The following MCF2L2 variants were observed in gnomAD, a reference collection of about 807,000 sequenced individuals.
MCF2L2 encodes MCF.2 cell line derived transforming sequence-like 2.
In MCF2L2, 102 loss-of-function variants were observed where a neutral mutation model predicts 150.2. The ratio of observed to expected loss-of-function variants is 0.68; its 90% confidence interval spans 0.58 to 0.80. The LOEUF is 0.80. Among genes scored for constraint, MCF2L2 ranks in the 30% least tolerant of loss-of-function variants. MCF2L2 has a pLI of 0.00. For missense variants in MCF2L2, 1,256 were observed against 1,372.8 expected (o/e 0.91, Z 1.34); for synonymous variants, 465 against 491.3 (o/e 0.95, Z 0.71).
At chr3:183,338,744 T>G in intron 5 of MCF2L2, 56 bp downstream of exon 5, 1 of 1,530,924 alleles carries the variant, frequency 6.5e-7, no homozygotes, top group Non-Finnish European at 8.9e-7. Flanking sequence ...CCTGCCCAAA[T>G]GCCATCTTAG....
chr3:183,262,047 A>G (rs1463942409), intron 15 of MCF2L2, among the ~76,000 whole-genome samples: 1 of 148,266 alleles, frequency 6.7e-6, no homozygotes, highest in Non-Finnish European at 1.5e-5. Context: ...AAAGATATAA[A>G]GGAATGAGGA....
intron 3 of MCF2L2, among the ~76,000 whole-genome samples, chr3:183,346,938 C>T (rs1730922932): frequency 6.6e-6 from 1 of 152,172 alleles, no homozygotes; most frequent in South Asian, 2.1e-4. Flanking sequence ...ACATTCCATG[C>T]TCATGGATAG....
At chr3:183,409,101 T>G (rs1055303496) in intron 1 of MCF2L2, among the ~76,000 whole-genome samples, 1 of 152,258 alleles carries the variant, frequency 6.6e-6, no homozygotes, top group South Asian at 2.1e-4. Flanking sequence ...TATTTCTGCA[T>G]GTTTAAAGAC....
rs1328562425 is a variant in MCF2L2 at position 183,178,758 on chromosome 3, A to G, written c.*622T>C. ...AAAATACCTCAGAAAGTAACTTGGA[A>G]CGAACTCTCTCTACAACGAAGCAAT... On this transcript the variant is annotated 3_prime_UTR_variant, in exon 30 of 30. Transcript: ENST00000328913. The G allele has an allele frequency of 2.0e-5, 3 of 152,380 alleles. No individual in the cohort carries two copies. The highest frequency in any genetic ancestry group is 6.5e-5 in the Admixed American group (1 of 15,310). 9.4% of individuals were successfully genotyped at this position (152,380 alleles called of 1,614,324 possible).
intron 28 of MCF2L2, 64 bp downstream of exon 28, chr3:183,180,007 G>T: frequency 1.6e-6 from 2 of 1,260,258 alleles, no homozygotes; most frequent in Non-Finnish European, 2.3e-6. Flanking sequence ...GGGACAGGAG[G>T]CAGGAGGAGC....
At chr3:183,359,329 A>G (rs1025536512) in intron 3 of MCF2L2, among the ~76,000 whole-genome samples, 3 of 152,242 alleles carry the variant, frequency 2.0e-5, no homozygotes, top group African/African-American at 7.2e-5. Flanking sequence ...CTATACTAAC[A>G]AAAGGTCATG....
chr3:183,323,118 C>T (rs181443624), intron 6 of MCF2L2, 117 bp downstream of exon 6: 3 of 648,022 alleles, frequency 4.6e-6, no homozygotes, highest in African/African-American at 1.8e-5. Context: ...AAATCCCAAC[C>T]ACCCCAAGGT....
intron 3 of MCF2L2, among the ~76,000 whole-genome samples, chr3:183,353,518 G>C (rs555706142): frequency 6.6e-6 from 1 of 152,170 alleles, no homozygotes; most frequent in Non-Finnish European, 1.5e-5. Context: ...AAGCATGGCT[G>C]GGGAGGCTTC....
chr3:183,224,257 A>G lies in MCF2L2; in HGVS notation c.2116-67T>C, dbSNP rs1455129919. The G allele has an allele frequency of 1.4e-5, 14 of 1,007,264 alleles. No individual in the cohort carries two copies. In the Admixed American group the frequency reaches 2.3e-4, roughly 17 times the overall value. 62.4% of individuals were successfully genotyped at this position (1,007,264 alleles called of 1,614,324 possible). On this transcript the variant is annotated intron_variant, in intron 18 of 29. Coordinates refer to ENST00000328913, the MANE Select transcript of MCF2L2 (RefSeq NM_015078.4). ...TTTCAGTAAGTGGACAGGATGATAC[A>G]GTTTATTCATTCATTCAACAAGCCA...
rs533182693 is a variant in MCF2L2 at position 183,191,886 on chromosome 3, G to T, written c.3016+1113C>A. Among the ~76,000 whole-genome samples the T allele has an allele frequency of 4.4e-4, 67 of 152,048 alleles. 1 individual carries two copies. The highest frequency in any genetic ancestry group is 1.5e-3 in the African/African-American group (61 of 41,496). ...GACAGAGTCTCGCTCTGTTGCCCAG[G>T]CTGGAGTGCAGTGGCGTGATCTCGG... On this transcript the variant is annotated intron_variant, in intron 27 of 29. Transcript: ENST00000328913.
At chr3:183,247,579 A>T (rs1477154643) in intron 15 of MCF2L2, among the ~76,000 whole-genome samples, 2 of 152,208 alleles carry the variant, frequency 1.3e-5, no homozygotes, top group Admixed American at 6.5e-5. Context: ...TAAAGAAAAG[A>T]AATTGTGAAA....
At chr3:183,401,736 G>C (rs1183988486) in intron 1 of MCF2L2, among the ~76,000 whole-genome samples, 1 of 152,220 alleles carries the variant, frequency 6.6e-6, no homozygotes, top group East Asian at 1.9e-4. Flanking sequence ...TAACGCATTT[G>C]AGATTCATCC....
At chr3:183,201,072 T>C (rs1471772096) in intron 25 of MCF2L2, among the ~76,000 whole-genome samples, 2 of 152,242 alleles carry the variant, frequency 1.3e-5, no homozygotes, top group Non-Finnish European at 1.5e-5. Context: ...GCCTCCAGCT[T>C]TGTTCTTTTG....
chr3:183,184,775 T>C (rs1043436085), intron 27 of MCF2L2, among the ~76,000 whole-genome samples: 1 of 152,258 alleles, frequency 6.6e-6, no homozygotes, highest in Non-Finnish European at 1.5e-5. Flanking sequence ...GTGTTTCCCT[T>C]ACTGTCCAGT....
At position 183,270,564 on chromosome 3, in the gene MCF2L2, G is replaced by A. The variant is rs1726668213; in HGVS notation, c.1862+6308C>T. The A allele has an allele frequency of 2.5e-6, 4 of 1,614,202 alleles. No individual in the cohort carries two copies. Among genetic ancestry groups the A allele is most frequent in the Non-Finnish European group, 3.4e-6 (4 of 1,180,028 alleles). ...AGCTTACCCTGACTACACAGCCGGA[G>A]CTGCCTATGTAATCTCCGGTGATGT... On this transcript the variant is annotated intron_variant, in intron 15 of 29. Coordinates refer to ENST00000328913, the MANE Select transcript of MCF2L2 (RefSeq NM_015078.4). This position sits in a 1 kb window ranked among gnomAD's most constrained non-coding sequence, Gnocchi z 4.5.
intron 2 of MCF2L2, among the ~76,000 whole-genome samples, chr3:183,380,970 A>G (rs1057261083): frequency 1.3e-5 from 2 of 152,224 alleles, no homozygotes; most frequent in African/African-American, 4.8e-5. Context: ...GTTAGGACAT[A>G]GATACATATT....
rs768629767 is a variant in MCF2L2 at position 183,179,482 on chromosome 3, CT to C, written c.3242del (p.Glu1081GlyfsTer105). 11 of 1,606,880 alleles carry C rather than the reference CT, an allele frequency of 6.8e-6. 1 individual carries two copies. The South Asian group carries it at 1.1e-4, about 16-fold the overall frequency. On this transcript the variant is annotated frameshift_variant, in exon 30 of 30. Coordinates refer to ENST00000328913, the MANE Select transcript of MCF2L2 (RefSeq NM_015078.4). LOFTEE classifies it low-confidence loss of function (END_TRUNC). This position sits in a 1 kb window ranked among gnomAD's most constrained non-coding sequence, Gnocchi z 4.2. ...GGCCCGTGGACGCCCCAGCGCGCTC[CT>C]CCTCGGTGCTGCGGGTCGCCCTGCA... Reference protein sequence around the residue: ...EEETATRSTEEERAGASTGRL... With the variant: ...EEETATRSTEXERAGASTGRL...
intron 3 of MCF2L2, among the ~76,000 whole-genome samples, chr3:183,357,065 T>C (rs1487483248): frequency 6.6e-6 from 1 of 152,080 alleles, no homozygotes; most frequent in Non-Finnish European, 1.5e-5. Context: ...CATCTAGTAA[T>C]GAAAGCATTA....
Position 183,305,111 on chromosome 3 carries a change from C to A in MCF2L2, c.1113+4605G>T, listed in dbSNP as rs1560011811. Among the ~76,000 whole-genome samples the A allele has an allele frequency of 6.6e-6, 1 of 152,148 alleles. No homozygotes were observed. Among genetic ancestry groups the A allele is most frequent in the East Asian group, 1.9e-4 (1 of 5,198 alleles). ...ACTGTTTTACCAAAGGGAAGTGGAG[C>A]ACAATGGCCCAAGGTGACCCAGGTA... On this transcript the variant is annotated intron_variant, in intron 10 of 29. Coordinates refer to ENST00000328913, the MANE Select transcript of MCF2L2 (RefSeq NM_015078.4). The surrounding 1 kb of genome is among the most constrained non-coding windows in gnomAD (Gnocchi z 4.1).
Sources: allele counts gnomAD v4.1 joint callset (sites outside exome capture counted in the v4.1 genomes callset), GRCh38; gene constraint gnomAD v4.1.1; non-coding constraint Gnocchi (gnomAD v3.1); transcripts MANE v1.5; gene names NCBI Gene and HGNC (gene_info 2026-07-23, HGNC 2026-07-21).